VPS50: variants seen among roughly 807,000 people sequenced by gnomAD.
VPS50 encodes VPS50 subunit of EARP/GARPII complex, also known as syndetin.
Under a neutral mutation model 139.7 loss-of-function variants are expected in VPS50, and 70 were observed. That is an observed-to-expected ratio of 0.50 (90% confidence interval 0.41 to 0.61). The LOEUF is 0.61. VPS50 is among the 20% of genes least tolerant of loss of function. VPS50 has a pLI of 0.00. For synonymous variants in VPS50, 365 were observed against 376.7 expected, an observed-to-expected ratio of 0.97 and a Z score of 0.36; for missense variants, 921 against 1,133.7, an observed-to-expected ratio of 0.81 and a Z score of 2.69.
chr7:93,279,718 T>C (rs965453866), intron 12 of VPS50, among the ~76,000 whole-genome samples: 11 of 152,186 alleles, frequency 7.2e-5, no homozygotes, highest in African/African-American at 2.7e-4. Context: ...TCTAGGCATT[T>C]TGGCAGTTTA....
chr7:93,340,342 G>A (rs1798178229), intron 22 of VPS50, among the ~76,000 whole-genome samples: 1 of 152,138 alleles, frequency 6.6e-6, no homozygotes, highest in Non-Finnish European at 1.5e-5. Flanking sequence ...GGTAACTCTT[G>A]AGCTGGCAGT....
chr7:93,326,834 A>T (rs1797795577), intron 21 of VPS50, among the ~76,000 whole-genome samples: 1 of 152,110 alleles, frequency 6.6e-6, no homozygotes, highest in Admixed American at 6.5e-5. Context: ...TCATTATATA[A>T]ATATTTATAT....
Position 93,343,206 on chromosome 7 carries a change from T to C in VPS50, c.2207+1631T>C, listed in dbSNP as rs573222123. 6.4e-3 allele frequency among the ~76,000 whole-genome samples: 973 copies of C among 152,206 alleles called. 12 individuals are homozygous for C. Among genetic ancestry groups the C allele is most frequent in the African/African-American group, 0.023 (939 of 41,524 alleles). On this transcript the variant is annotated intron_variant, in intron 23 of 27. Coordinates refer to ENST00000305866, the MANE Select transcript of VPS50 (RefSeq NM_017667.4). ...AGAATGCAGAAGCCTCAGGAGCCGA[T>C]GCGATCAACTGGAAGAAAGGGTATC...
intron 21 of VPS50, among the ~76,000 whole-genome samples, chr7:93,325,966 TA>T (rs1185950110): frequency 2.6e-5 from 4 of 151,724 alleles, no homozygotes; most frequent in Non-Finnish European, 5.9e-5. Context: ...CAAAGGACTA[TA>T]AATCATGCTG....
chr7:93,321,547 C>T (rs1343473097), intron 20 of VPS50, among the ~76,000 whole-genome samples: 3 of 152,086 alleles, frequency 2.0e-5, no homozygotes, highest in South Asian at 2.1e-4. Context: ...TTCCTTGTTC[C>T]TTAATACAAG....
intron 26 of VPS50, 132 bp from the exon 27 acceptor site, chr7:93,355,759 C>T (rs1314498442): frequency 6.0e-6 from 3 of 502,636 alleles, no homozygotes; most frequent in Non-Finnish European, 1.1e-5. Context: ...GGCTTATGTT[C>T]TCTATTTCCT....
At chr7:93,348,411 A>T (rs1480871595) in intron 23 of VPS50, among the ~76,000 whole-genome samples, 1 of 152,184 alleles carries the variant, frequency 6.6e-6, no homozygotes, top group African/African-American at 2.4e-5. Flanking sequence ...TCAACCTGCT[A>T]CTCTGGGCTC....
At chr7:93,240,354 A>T (rs1268854120) in intron 2 of VPS50, among the ~76,000 whole-genome samples, 1 of 152,068 alleles carries the variant, frequency 6.6e-6, no homozygotes, top group Non-Finnish European at 1.5e-5. Context: ...CTGTGCCAAA[A>T]ATCATGATTA....
chr7:93,269,506 G>A (rs1271880045), intron 9 of VPS50, among the ~76,000 whole-genome samples: 1 of 152,028 alleles, frequency 6.6e-6, no homozygotes, highest in Non-Finnish European at 1.5e-5. Flanking sequence ...AATACTATTT[G>A]CAGAAAATGA....
chr7:93,268,798 C>T (rs1354585346), intron 9 of VPS50, among the ~76,000 whole-genome samples: 3 of 151,992 alleles, frequency 2.0e-5, no homozygotes, highest in African/African-American at 4.8e-5. Context: ...TCTTTGTTAT[C>T]GTGAATAGTG....
chr7:93,302,902 A>G (rs1797019055), intron 16 of VPS50, among the ~76,000 whole-genome samples: 1 of 152,074 alleles, frequency 6.6e-6, no homozygotes, highest in African/African-American at 2.4e-5. Context: ...GGTGTAAGTG[A>G]TTAGTGTAAT....
intron 18 of VPS50, among the ~76,000 whole-genome samples, chr7:93,307,723 C>A (rs1298618851): frequency 6.6e-6 from 1 of 151,866 alleles, no homozygotes; most frequent in Non-Finnish European, 1.5e-5. Context: ...GAATACCTTT[C>A]TGCATAGCAT....
At chr7:93,342,257 G>A (rs1798236151) in intron 23 of VPS50, among the ~76,000 whole-genome samples, 1 of 152,180 alleles carries the variant, frequency 6.6e-6, no homozygotes, top group Admixed American at 6.5e-5. Context: ...CCCGAATACT[G>A]TGCTTTTCCG....
chr7:93,354,536 C>G (rs537979811), intron 26 of VPS50, among the ~76,000 whole-genome samples: 4 of 152,150 alleles, frequency 2.6e-5, no homozygotes, highest in Middle Eastern at 6.8e-3. Flanking sequence ...TCAAGTTGAT[C>G]CGCCCACCTA....
At chr7:93,275,595 T>C (rs954590902) in intron 11 of VPS50, among the ~76,000 whole-genome samples, 1 of 152,182 alleles carries the variant, frequency 6.6e-6, no homozygotes, top group African/African-American at 2.4e-5. Context: ...TATTACACAC[T>C]TTAGACTATA....
Position 93,297,315 on chromosome 7 carries a change from A to G in VPS50, c.1361+72A>G. 3 of 1,321,766 alleles carry G rather than the reference A, an allele frequency of 2.3e-6. No homozygotes were observed. In the South Asian group the frequency reaches 6.3e-5, roughly 28 times the overall value. 81.9% of individuals were successfully genotyped at this position (1,321,766 alleles called of 1,614,324 possible). ...ATACTTTTGTCTAATACTTAATCTT[A>G]TAGCATTAATTGATTTTAAACAATT... On this transcript the variant is annotated intron_variant, in intron 16 of 27. Transcript: ENST00000305866.
chr7:93,311,376 T>C (rs1260473274), intron 20 of VPS50, 104 bp downstream of exon 20: 1 of 658,436 alleles, frequency 1.5e-6, no homozygotes, highest in East Asian at 2.6e-5. Flanking sequence ...CAGTGCTCTA[T>C]GCAATGAGGG....
chr7:93,351,379 TTC>T (rs1440917170), intron 25 of VPS50, among the ~76,000 whole-genome samples: 2 of 152,088 alleles, frequency 1.3e-5, no homozygotes, highest in Non-Finnish European at 2.9e-5. Flanking sequence ...TTTTTAACAA[TTC>T]TGTTTTTGAA....
At chr7:93,248,380 A>G (rs1362653853) in intron 2 of VPS50, among the ~76,000 whole-genome samples, 3 of 152,130 alleles carry the variant, frequency 2.0e-5, no homozygotes, top group African/African-American at 7.2e-5. Flanking sequence ...ATTTTTGTAC[A>G]TCTCCCACCC....
Sources: allele counts gnomAD v4.1 joint callset (sites outside exome capture counted in the v4.1 genomes callset), GRCh38; gene constraint gnomAD v4.1.1; transcripts MANE v1.5; gene names NCBI Gene and HGNC (gene_info 2026-07-23, HGNC 2026-07-21).